Variants in NUP43 observed in about 807,000 individuals in gnomAD.
NUP43 encodes the protein nucleoporin Nup43.
A neutral mutation model predicts 47.3 loss-of-function variants in NUP43; 32 were observed. That is an observed-to-expected ratio of 0.68 (90% CI 0.51 to 0.91). The LOEUF (loss-of-function observed/expected upper bound fraction) is 0.91, where lower values mean the gene tolerates loss of function less well. NUP43 is among the 40% of genes least tolerant of loss of function. The pLI, the probability that NUP43 is intolerant of heterozygous loss-of-function variation, is 0.00. For synonymous variants in NUP43, 147 were observed against 158.4 expected (o/e 0.93, Z 0.54); for missense variants, 444 against 453.9 (o/e 0.98, Z 0.20).
intron 7 of NUP43, chr6:149,727,956 T>C (rs149387319): frequency 3.0e-6 from 3 of 985,010 alleles, no homozygotes; most frequent in East Asian, 1.1e-4. Flanking sequence ...GGCTCTGTGC[T>C]AAGTGCTCTG....
chr6:149,739,050 G>A (rs1785510938), intron 4 of NUP43, among the ~76,000 whole-genome samples: 1 of 149,616 alleles, frequency 6.7e-6, no homozygotes, highest in South Asian at 2.1e-4. Flanking sequence ...GCGCGATCTC[G>A]GCTCACCGCA....
chr6:149,732,793 T>G (rs1265773134), intron 6 of NUP43, among the ~76,000 whole-genome samples: 1 of 151,992 alleles, frequency 6.6e-6, no homozygotes, highest in Non-Finnish European at 1.5e-5. Flanking sequence ...TGCAGTGAGC[T>G]GAGATTGCAT....
At chr6:149,728,015 T>C (rs1784870304) in intron 7 of NUP43, 12 of 985,288 alleles carry the variant, frequency 1.2e-5, no homozygotes, top group Non-Finnish European at 1.2e-5. Context: ...ATTTAAAATC[T>C]TGCTGATCCT....
chr6:149,736,865 T>G lies in NUP43; in HGVS notation c.639-243A>C, dbSNP rs555524662. Among the ~76,000 whole-genome samples, 5 of 152,270 alleles carry G rather than the reference T, an allele frequency of 3.3e-5. No homozygotes were observed. The East Asian group carries it at 9.7e-4, about 29-fold the overall frequency. Reference sequence around the variant, plus strand: ...CATCATGCCTGGTTAACTTTTTGTATTTTTGTAGAGATGGGGTTTCTCCAT... The same window carrying G: ...CATCATGCCTGGTTAACTTTTTGTAGTTTTGTAGAGATGGGGTTTCTCCAT... On this transcript the variant is annotated intron_variant, in intron 5 of 7. Coordinates refer to ENST00000340413, the MANE Select transcript of NUP43 (RefSeq NM_198887.3).
In NUP43 at chr6:149,746,477, T is replaced by C. The variant is rs1489681627; in HGVS notation, c.19A>G (p.Lys7Glu). Reference sequence around the variant, plus strand: ...TTGCTGATTTTCTGGGACACAAACTTCGCATAAATTTCCTCCATGCCGAAA... The same window carrying C: ...TTGCTGATTTTCTGGGACACAAACTCCGCATAAATTTCCTCCATGCCGAAA... MEEIYA[K>E]FVSQKISKTR... The change falls in exon 1 of 8, where the codon AAG becomes GAG. Residue 7 changes from lysine (K) to glutamate (E), a missense_variant. Physicochemically the swap from Lys to Glu is moderately conservative, Grantham distance 56 (BLOSUM62 1). Transcript: ENST00000340413. 4.3e-6 allele frequency: 7 copies of C among 1,614,016 alleles called. No homozygotes were observed. The African/African-American group carries it at 9.3e-5, about 22-fold the overall frequency.
In NUP43 at chr6:149,726,359, T is replaced by A. The variant is rs966585952; in HGVS notation, c.*610A>T. 1 of 145,686 alleles carries A rather than the reference T, an allele frequency of 6.9e-6. No individual in the cohort carries two copies. The highest frequency in any genetic ancestry group is 2.0e-4 in the East Asian group (1 of 4,978). 9.0% of individuals were successfully genotyped at this position (145,686 alleles called of 1,614,324 possible). ...AGGTGGAGGTTGCAGTGAGCCGAGA[T>A]TGCACCACCGCACTCCAGCAGAGCA... On this transcript the variant is annotated 3_prime_UTR_variant, in exon 8 of 8. Coordinates refer to ENST00000340413, the MANE Select transcript of NUP43 (RefSeq NM_198887.3).
intron 5 of NUP43, among the ~76,000 whole-genome samples, chr6:149,737,988 G>A (rs1381415041): frequency 1.3e-5 from 2 of 152,044 alleles, no homozygotes; most frequent in Non-Finnish European, 2.9e-5. Flanking sequence ...ACCACGCCCA[G>A]CCTGGCTGAA....
chr6:149,738,796 G>A lies in NUP43; in HGVS notation c.503-18C>T, dbSNP rs769167803. The A allele has an allele frequency of 4.8e-6, 7 of 1,451,362 alleles. No individual in the cohort carries two copies. Among genetic ancestry groups the A allele is most frequent in the Non-Finnish European group, 6.4e-6 (7 of 1,096,542 alleles). The allele number at this position is 1,451,362 out of a possible 1,614,324, so 89.9% of individuals were successfully genotyped here. On this transcript the variant is annotated intron_variant, in intron 4 of 7. Coordinates refer to ENST00000340413, the MANE Select transcript of NUP43 (RefSeq NM_198887.3). ...TGCATTGTCTAAAAATTTAAAAAATGGTAGTATGTGTTAATGAGTCCCCTT... is the reference window on the plus strand; with the variant it reads ...TGCATTGTCTAAAAATTTAAAAAATAGTAGTATGTGTTAATGAGTCCCCTT...
chr6:149,732,596 AC>A (rs1785111858), intron 6 of NUP43, among the ~76,000 whole-genome samples: 1 of 151,976 alleles, frequency 6.6e-6, no homozygotes. Flanking sequence ...CTGTAATCCT[AC>A]CACTTTGGGA....
At chr6:149,748,532 G>A (rs555382342), upstream of NUP43, among the ~76,000 whole-genome samples, 1 of 151,650 alleles carries the variant, frequency 6.6e-6, no homozygotes, top group Non-Finnish European at 1.5e-5. Context: ...ACTGGAGGCC[G>A]GGCGCTGTGG....
At chr6:149,727,553 G>C in intron 7 of NUP43, 1 of 965,152 alleles carries the variant, frequency 1.0e-6, no homozygotes, top group Non-Finnish European at 1.2e-6. Flanking sequence ...AAAAATGTAG[G>C]TAATACATGG....
chr6:149,743,277 C>G (rs545793100), intron 3 of NUP43, among the ~76,000 whole-genome samples: 3 of 151,978 alleles, frequency 2.0e-5, no homozygotes, highest in African/African-American at 7.2e-5. Flanking sequence ...TGAACTGGGA[C>G]TTATATTAAC....
chr6:149,741,160 C>A (rs1785634192), intron 4 of NUP43, among the ~76,000 whole-genome samples: 1 of 151,926 alleles, frequency 6.6e-6, no homozygotes, highest in South Asian at 2.1e-4. Context: ...GTTGTGTGTG[C>A]ACATGTGTAC....
upstream of NUP43, among the ~76,000 whole-genome samples, chr6:149,747,509 A>G (rs1786076186): frequency 6.7e-6 from 1 of 149,184 alleles, no homozygotes; most frequent in Admixed American, 6.7e-5. Flanking sequence ...GCTGGTCTCG[A>G]ACTCTTGACC....
chr6:149,728,393 G>A, intron 7 of NUP43: 1 of 983,610 alleles, frequency 1.0e-6, no homozygotes, highest in Non-Finnish European at 1.2e-6. Flanking sequence ...TTAATCCTTA[G>A]ATGAAACTGT....
In NUP43 at chr6:149,746,419, A is replaced by T. The variant is rs201304189; in HGVS notation, c.77T>A (p.Leu26Ter). 1 of 1,614,146 alleles carries T rather than the reference A, an allele frequency of 6.2e-7. No individual in the cohort carries two copies. The highest frequency in any genetic ancestry group is 1.7e-5 in the Admixed American group (1 of 60,024). The part of the protein sequence containing the change: ...TRWRPLPPGS[L>*]QTAETFATGS... ...TGTAGCGAACGTCTCCGCGGTCTGT[A>T]AACTTCCCGGAGGCAGCGGTCGCCA... Residue 26 changes from leucine (L) to a stop codon, truncating the protein, a stop_gained, in exon 1 of 8, where the codon TTA becomes TAA. Coordinates refer to ENST00000340413, the MANE Select transcript of NUP43 (RefSeq NM_198887.3). LOFTEE classifies it high-confidence loss of function.
At chr6:149,738,927 A>G (rs879217089) in intron 4 of NUP43, 149 bp from the exon 5 acceptor site, 2 of 424,070 alleles carry the variant, frequency 4.7e-6, no homozygotes, top group East Asian at 3.7e-5. Context: ...TGGTTAATGT[A>G]TATGTTTAAA....
chr6:149,733,463 A>T (rs1272454917), intron 6 of NUP43, among the ~76,000 whole-genome samples: 1 of 152,156 alleles, frequency 6.6e-6, no homozygotes, highest in East Asian at 1.9e-4. Context: ...TCTCTTTTTG[A>T]AACAGGGTCT....
chr6:149,739,940 A>T (rs1785561585), intron 4 of NUP43, among the ~76,000 whole-genome samples: 2 of 152,136 alleles, frequency 1.3e-5, no homozygotes, highest in South Asian at 2.1e-4. Context: ...TATGGACTTT[A>T]GTTTGTGCCA....
Sources: gnomAD v4.1 joint callset for allele counts (sites outside exome capture counted in the v4.1 genomes callset) on GRCh38, gnomAD v4.1.1 for gene constraint, MANE v1.5 for transcripts, NCBI Gene and HGNC (gene_info 2026-07-23, HGNC 2026-07-21) for gene names.